The following ESYT3 variants were observed in gnomAD, a reference collection of about 807,000 sequenced individuals.
ESYT3 encodes extended synaptotagmin-3.
A neutral mutation model predicts 111.5 loss-of-function variants in ESYT3; 101 were observed. That is an observed-to-expected ratio of 0.91 (90% confidence interval 0.77 to 1.07). ESYT3 has a LOEUF of 1.07. ESYT3 is among the 50% of genes least tolerant of loss of function. The pLI is 0.00. For missense variants in ESYT3, 1,097 were observed against 1,109.4 expected, an observed-to-expected ratio of 0.99 and a Z score of 0.16; for synonymous variants, 416 against 446.8, an observed-to-expected ratio of 0.93 and a Z score of 0.87.
chr3:138,474,377 G>T, intron 20 of ESYT3, 25 bp downstream of exon 20: 9 of 1,564,582 alleles, frequency 5.8e-6, no homozygotes, highest in Non-Finnish European at 7.7e-6. Flanking sequence ...GGCCTGCCTA[G>T]AGTGCCTCAC....
At chr3:138,444,324 G>C (rs1045954898) in intron 1 of ESYT3, among the ~76,000 whole-genome samples, 1 of 152,182 alleles carries the variant, frequency 6.6e-6, no homozygotes, top group African/African-American at 2.4e-5. Context: ...CAGGTAGTGC[G>C]GGGAGGACAG....
At chr3:138,465,522 G>T (rs554103180) in intron 10 of ESYT3, 101 bp downstream of exon 10, 5 of 894,228 alleles carry the variant, frequency 5.6e-6, no homozygotes, top group Non-Finnish European at 8.7e-6. Context: ...CTAGCAACCC[G>T]CTGTGGTCAC....
chr3:138,473,604 G>A lies in ESYT3; in HGVS notation c.2306G>A (p.Arg769His), dbSNP rs775812203. The A allele has an allele frequency of 1.6e-5, 26 of 1,613,588 alleles. No homozygotes were observed. The highest frequency in any genetic ancestry group is 6.6e-5 in the South Asian group (6 of 91,058). ...ACAGTGCGCTATGTGTGTCTGCGGC[G>A]CTGCCTCAGCGTGCTAATCAATGGC... ...QLTVRYVCLR[R>H]CLSVLINGCR... is the part of the protein sequence containing the mutation. The change falls in exon 19 of 23, where the codon CGC becomes CAC. Residue 769 changes from arginine (R) to histidine (H), a missense_variant. Coordinates refer to ENST00000389567, the MANE Select transcript of ESYT3 (RefSeq NM_031913.5).
In ESYT3 at chr3:138,478,364, T is replaced by C. The variant is rs1211416158; in HGVS notation, c.*1510T>C. The C allele has an allele frequency of 6.6e-6, 1 of 152,198 alleles. No homozygotes were observed. Among genetic ancestry groups the C allele is most frequent in the Non-Finnish European group, 1.5e-5 (1 of 68,030 alleles). The allele number at this position is 152,198 out of a possible 1,614,324, so 9.4% of individuals were successfully genotyped here. A position where few individuals can be genotyped will look rare whatever the true frequency, so the allele number is the denominator to read the frequency against. On this transcript the variant is annotated 3_prime_UTR_variant, in exon 23 of 23. Coordinates refer to ENST00000389567, the MANE Select transcript of ESYT3 (RefSeq NM_031913.5). ...ATGGTGAAATTCGTTTCTGCTGAGG[T>C]TTCTATTTTAAATGGCAAATTCTCA...
Position 138,464,455 on chromosome 3 carries a change from G to A in ESYT3, c.1026G>A (p.Gln342=), listed in dbSNP as rs1231232376. 1.9e-6 allele frequency: 3 copies of A among 1,614,154 alleles called. No individual in the cohort carries two copies. The highest frequency in any genetic ancestry group is 2.5e-6 in the Non-Finnish European group (3 of 1,180,022). The change falls in exon 9 of 23, where the codon CAG becomes CAA. Residue 342 remains glutamine, a synonymous_variant. Transcript: ENST00000389567. ...ACGCCAAGGTGAGCATCGGCCTACA[G>A]CATTTCCGGAGTAGGACCATCTACA... is the stretch of plus-strand genomic sequence containing the variant. ...DPYAKVSIGL[Q]HFRSRTIYRN... is the part of the protein sequence containing the mutation.
At position 138,455,467 on chromosome 3, in the gene ESYT3, G is replaced by C. The variant is rs111653409; in HGVS notation, c.504+139G>C. On this transcript the variant is annotated intron_variant, in intron 3 of 22. Coordinates refer to ENST00000389567, the MANE Select transcript of ESYT3 (RefSeq NM_031913.5). The stretch of plus-strand genomic sequence containing the variant: ...GGACCTTACAGGGGGACACCCTCCC[G>C]CCACCACCTGCATTTCCCAGCCTGT... The C allele has an allele frequency of 2.0e-3, 357 of 179,360 alleles. 1 individual carries two copies. Among genetic ancestry groups the C allele is most frequent in the Non-Finnish European group, 3.3e-4 (40 of 120,376 alleles). 11.1% of individuals were successfully genotyped at this position (179,360 alleles called of 1,614,324 possible).
At chr3:138,447,986 G>A (rs1480592854) in intron 1 of ESYT3, among the ~76,000 whole-genome samples, 1 of 151,924 alleles carries the variant, frequency 6.6e-6, no homozygotes, top group African/African-American at 2.4e-5. Context: ...GGGAATCGGC[G>A]GCCGGGTGTG....
rs575354277 is a variant in ESYT3 at position 138,457,503 on chromosome 3, G to T, written c.505-65G>T. 7 of 1,451,246 alleles carry T rather than the reference G, an allele frequency of 4.8e-6. No individual in the cohort carries two copies. In the Admixed American group the frequency reaches 8.4e-5, roughly 17 times the overall value. 89.9% of individuals were successfully genotyped at this position (1,451,246 alleles called of 1,614,324 possible). A position where few individuals can be genotyped will look rare whatever the true frequency, so the allele number is the denominator to read the frequency against. The stretch of plus-strand genomic sequence containing the variant: ...TGCTGACAAAGCCCAGTGCCGGGGG[G>T]AGAGCTGGCAGCTGTCCCCTGCTAC... On this transcript the variant is annotated intron_variant, in intron 3 of 22. Coordinates refer to ENST00000389567, the MANE Select transcript of ESYT3 (RefSeq NM_031913.5).
downstream of ESYT3, chr3:138,481,214 C>G (rs1486712231): frequency 6.6e-6 from 1 of 152,216 alleles, no homozygotes; most frequent in Non-Finnish European, 1.5e-5. Context: ...GACCACACAT[C>G]TCTCCGTGAA....
At chr3:138,464,554 G>C (rs2032827425) in intron 9 of ESYT3, 39 bp downstream of exon 9, 1 of 1,610,478 alleles carries the variant, frequency 6.2e-7, no homozygotes, top group Non-Finnish European at 8.5e-7. Flanking sequence ...TTCACTCTGA[G>C]TCATGCTGGG....
intron 22 of ESYT3, 150 bp downstream of exon 22, chr3:138,476,642 C>A: frequency 9.7e-7 from 1 of 1,028,704 alleles, no homozygotes; most frequent in Non-Finnish European, 1.5e-6. Context: ...CTCACTGATA[C>A]CCTAAAAGAC....
intron 3 of ESYT3, 41 bp downstream of exon 3, chr3:138,455,369 A>C (rs1488571627): frequency 6.2e-7 from 1 of 1,609,946 alleles, no homozygotes. Flanking sequence ...CTGGCTGTGC[A>C]GTCTTCTCTC....
chr3:138,464,381 C>T lies in ESYT3; in HGVS notation c.952C>T (p.Leu318=). The T allele has an allele frequency of 6.2e-7, 1 of 1,614,152 alleles. No homozygotes were observed. Among genetic ancestry groups the T allele is most frequent in the Non-Finnish European group, 8.5e-7 (1 of 1,179,996 alleles). Residue 318 remains leucine (L), a synonymous_variant, in exon 9 of 23, where the codon CTG becomes TTG. Transcript: ENST00000389567. ...AGTGCACTTGCTGGAGGCAGAGCAGCTGGCCCAGAAGGACAACTTTCTGGG... is the reference window on the plus strand; with the variant it reads ...AGTGCACTTGCTGGAGGCAGAGCAGTTGGCCCAGAAGGACAACTTTCTGGG... ...IRVHLLEAEQ[L]AQKDNFLGLR... is the part of the protein sequence containing the mutation.
intron 16 of ESYT3, chr3:138,470,503 G>T (rs940544114): frequency 1.8e-6 from 2 of 1,111,524 alleles, no homozygotes; most frequent in African/African-American, 3.2e-5. Context: ...TGTAGAGTAA[G>T]CAAAGAGAGG....
intron 1 of ESYT3, among the ~76,000 whole-genome samples, chr3:138,449,945 A>G (rs918619216): frequency 1.3e-5 from 2 of 152,198 alleles, no homozygotes; most frequent in African/African-American, 4.8e-5. Context: ...TCCAGTGTGT[A>G]GGGAGGTAGG....
chr3:138,438,378 C>A (rs2030883815), intron 1 of ESYT3, among the ~76,000 whole-genome samples: 1 of 152,152 alleles, frequency 6.6e-6, no homozygotes, highest in Admixed American at 6.5e-5. Context: ...CTCTAGCCCC[C>A]AGTGGGGAGG....
intron 1 of ESYT3, among the ~76,000 whole-genome samples, chr3:138,444,902 A>G (rs1350622324): frequency 6.6e-6 from 1 of 152,172 alleles, no homozygotes; most frequent in African/African-American, 2.4e-5. Context: ...CTTAGTCAGG[A>G]ACCCCCGGAG....
At chr3:138,437,824 C>T (rs903694091) in intron 1 of ESYT3, among the ~76,000 whole-genome samples, 1 of 151,998 alleles carries the variant, frequency 6.6e-6, no homozygotes, top group Admixed American at 6.6e-5. Flanking sequence ...CAGGGGTCTT[C>T]AGGGTGCTTT....
chr3:138,438,597 TCCTTCTC>T (rs1308726369), intron 1 of ESYT3, among the ~76,000 whole-genome samples: 6 of 152,166 alleles, frequency 3.9e-5, no homozygotes, highest in African/African-American at 1.4e-4. Flanking sequence ...GGTCTTAGAC[TCCTTCTC>T]AACATTTTGC....
Sources: allele counts gnomAD v4.1 joint callset (sites outside exome capture counted in the v4.1 genomes callset), GRCh38; gene constraint gnomAD v4.1.1; transcripts MANE v1.5; gene names NCBI Gene and HGNC (gene_info 2026-07-23, HGNC 2026-07-21).